Variants in INTS6 observed in about 807,000 individuals in gnomAD.
INTS6 encodes the protein integrator complex subunit 6, also known as DEAD box protein.
Under a neutral mutation model 104.9 loss-of-function variants are expected in INTS6, and 16 were observed. The observed-to-expected ratio is 0.15, with a 90% CI of 0.10 to 0.23. The LOEUF is 0.23. Ranked by LOEUF, INTS6 falls within the 10% of genes least tolerant of loss-of-function variation. The probability of loss-of-function intolerance (pLI) is 1.00; values close to 1 mark genes in which losing one functional copy is unlikely to be tolerated. For missense variants in INTS6, 584 were observed against 1,062.8 expected (o/e 0.55, Z 6.26); for synonymous variants, 324 against 358.7 (o/e 0.90, Z 1.09).
At chr13:51,407,514 T>C (rs972762422) in intron 4 of INTS6, among the ~76,000 whole-genome samples, 1 of 151,876 alleles carries the variant, frequency 6.6e-6, no homozygotes, top group Non-Finnish European at 1.5e-5. Context: ...ACAAAAATAA[T>C]AGGAATGAAA....
At chr13:51,432,280 A>G (rs1015494686) in intron 3 of INTS6, among the ~76,000 whole-genome samples, 1 of 152,132 alleles carries the variant, frequency 6.6e-6, no homozygotes, top group Non-Finnish European at 1.5e-5. Flanking sequence ...ATGGAGCACA[A>G]TTTGAATACC....
intron 5 of INTS6, among the ~76,000 whole-genome samples, chr13:51,394,501 G>GCT (rs1263980154): frequency 6.6e-6 from 1 of 152,246 alleles, no homozygotes; most frequent in Admixed American, 6.5e-5. Context: ...TGTGTCTGCA[G>GCT]ATTATGTCAC....
At chr13:51,367,951 T>C (rs759625209) in intron 16 of INTS6, 53 bp from the exon 17 acceptor site, 1 of 929,738 alleles carries the variant, frequency 1.1e-6, no homozygotes, top group Admixed American at 2.8e-5. Context: ...TTTGTATTCT[T>C]ATTCAATATT....
chr13:51,368,796 A>C (rs1484167349), intron 16 of INTS6, 143 bp downstream of exon 16: 1 of 839,004 alleles, frequency 1.2e-6, no homozygotes, highest in Non-Finnish European at 1.8e-6. Context: ...CAGATGAATA[A>C]AGGATCTTAA....
downstream of INTS6, chr13:51,361,184 T>C (rs1955568842): frequency 1.3e-5 from 11 of 832,646 alleles, no homozygotes; most frequent in Admixed American, 1.9e-4. Context: ...TTGGATACTA[T>C]AAATTTTGTA....
At chr13:51,343,655 GGGA>G in the INTS6 span, among the ~76,000 whole-genome samples, 1 of 152,226 alleles carries the variant, frequency 6.6e-6, no homozygotes, top group Non-Finnish European at 1.5e-5. Flanking sequence ...AACGGGGGAT[GGGA>G]GGAGTTCTTA....
At chr13:51,433,004 A>G (rs559776155) in intron 3 of INTS6, among the ~76,000 whole-genome samples, 9 of 152,362 alleles carry the variant, frequency 5.9e-5, no homozygotes, top group African/African-American at 1.9e-4. Flanking sequence ...CTTCGAAACT[A>G]TATTATCTTG....
intron 4 of INTS6, among the ~76,000 whole-genome samples, chr13:51,403,492 G>C (rs1020554903): frequency 9.0e-5 from 13 of 144,984 alleles, no homozygotes; most frequent in Non-Finnish European, 1.5e-5. Context: ...TGAGGCAGAA[G>C]AATCGCTTGA....
In INTS6 at chr13:51,452,679, A is replaced by T; in HGVS notation, c.-154T>A. On this transcript the variant is annotated 5_prime_UTR_variant, in exon 1 of 18. Transcript: ENST00000311234. The surrounding 1 kb of genome is among the most constrained non-coding windows in gnomAD (Gnocchi z 4.2). ...CTGGGTCTTTCCTCCGGCTGCGGGG[A>T]GTTTCTCCCCCGATAGTTGAGAGGA... 1 of 1,410,732 alleles carries T rather than the reference A, an allele frequency of 7.1e-7. No homozygotes were observed. Among genetic ancestry groups the T allele is most frequent in the Non-Finnish European group, 9.2e-7 (1 of 1,082,526 alleles). The allele number at this position is 1,410,732 out of a possible 1,614,324, so 87.4% of individuals were successfully genotyped here. A position where few individuals can be genotyped will look rare whatever the true frequency, so the allele number is the denominator to read the frequency against.
At chr13:51,365,894 A>G (rs115365398) in intron 17 of INTS6, 49 bp from the exon 18 acceptor site, 11,035 of 1,024,188 alleles carry the variant, frequency 0.011, 156 homozygotes, top group African/African-American at 0.05. Context: ...AATGAATAGT[A>G]TATATCAGTA....
chr13:51,420,569 G>T (rs1037337236), intron 4 of INTS6, among the ~76,000 whole-genome samples: 2 of 151,946 alleles, frequency 1.3e-5, no homozygotes, highest in Non-Finnish European at 2.9e-5. Flanking sequence ...TTCTTCAACA[G>T]AATGCAATAA....
chr13:51,374,115 A>T, intron 15 of INTS6, 93 bp downstream of exon 15: 1 of 978,804 alleles, frequency 1.0e-6, no homozygotes, highest in Non-Finnish European at 1.6e-6. Context: ...TGTACTACTA[A>T]TCAATTTCCT....
chr13:51,401,697 T>C (rs929361315), intron 4 of INTS6, among the ~76,000 whole-genome samples: 1 of 152,148 alleles, frequency 6.6e-6, no homozygotes, highest in Non-Finnish European at 1.5e-5. Flanking sequence ...TAGGCACTAT[T>C]ATAGTCCTCA....
intron 4 of INTS6, among the ~76,000 whole-genome samples, chr13:51,414,583 T>G (rs899714130): frequency 6.6e-6 from 1 of 152,138 alleles, no homozygotes; most frequent in African/African-American, 2.4e-5. Context: ...GTCCCAATTA[T>G]TCAGATTTGC....
At chr13:51,432,627 G>A (rs567008160) in intron 3 of INTS6, among the ~76,000 whole-genome samples, 36 of 151,936 alleles carry the variant, frequency 2.4e-4, no homozygotes, top group African/African-American at 8.7e-4. Context: ...AATCAGCCTG[G>A]GTTCACAGAA....
intron 4 of INTS6, among the ~76,000 whole-genome samples, chr13:51,397,496 T>C (rs567725180): frequency 1.6e-4 from 25 of 152,084 alleles, no homozygotes; most frequent in African/African-American, 1.7e-4. Flanking sequence ...TCGAGGAAGG[T>C]TTCCCAGCCT....
the INTS6 span, among the ~76,000 whole-genome samples, chr13:51,346,572 C>T: frequency 6.6e-6 from 1 of 152,208 alleles, no homozygotes; most frequent in South Asian, 2.1e-4. Context: ...AGATGACTCA[C>T]TGCCCCCACC....
intron 5 of INTS6, 54 bp from the exon 6 acceptor site, chr13:51,389,498 G>C: frequency 6.8e-7 from 1 of 1,470,488 alleles, no homozygotes; most frequent in East Asian, 2.5e-5. Context: ...AAACTAGTTA[G>C]TTGCAAGAAT....
intron 3 of INTS6, among the ~76,000 whole-genome samples, chr13:51,432,263 T>A (rs1314949774): frequency 6.6e-6 from 1 of 152,120 alleles, no homozygotes; most frequent in Non-Finnish European, 1.5e-5. Context: ...TGGATTTGAG[T>A]GGTTCCATGG....
Sources: allele counts gnomAD v4.1 joint callset (sites outside exome capture counted in the v4.1 genomes callset), GRCh38; gene constraint gnomAD v4.1.1; non-coding constraint Gnocchi (gnomAD v3.1); transcripts MANE v1.5; gene names NCBI Gene and HGNC (gene_info 2026-07-23, HGNC 2026-07-21).